NPM1: variants seen among roughly 807,000 people sequenced by gnomAD.
NPM1 encodes nucleophosmin.
Under a neutral mutation model 44.1 loss-of-function variants are expected in NPM1, and 1 was observed. That is an observed-to-expected ratio of 0.02 (90% CI 0.01 to 0.11). NPM1 has a LOEUF of 0.11. Ranked by LOEUF, NPM1 falls within the 10% of genes least tolerant of loss-of-function variation. The probability of loss-of-function intolerance (pLI) is 1.00; values close to 1 mark genes in which losing one functional copy is unlikely to be tolerated. For synonymous variants in NPM1, 126 were observed against 111.8 expected (o/e 1.13, Z -0.80); for missense variants, 197 against 347.8 (o/e 0.57, Z 3.45).
At chr5:171,392,844 T>C in intron 5 of NPM1, 28 bp downstream of exon 5, 1 of 1,613,284 alleles carries the variant, frequency 6.2e-7, no homozygotes, top group Non-Finnish European at 8.5e-7. Context: ...ATTATAGGTT[T>C]TGTATTATAG....
At chr5:171,404,163 A>C in intron 8 of NPM1, among the ~76,000 whole-genome samples, 1 of 71,216 alleles carries the variant, frequency 1.4e-5, no homozygotes, top group South Asian at 7.6e-4. Context: ...CCCGGATGGC[A>C]CGGCTGGCCG....
intron 4 of NPM1, among the ~76,000 whole-genome samples, 167 bp downstream of exon 4, chr5:171,391,966 G>GT (rs2113173813): frequency 6.9e-6 from 1 of 145,682 alleles, no homozygotes; most frequent in Admixed American, 6.9e-5. Flanking sequence ...GCGGGGGGGA[G>GT]AGGAAATCTT....
chr5:171,400,131 T>C, intron 6 of NPM1, 22 bp from the exon 7 acceptor site: 1 of 1,408,052 alleles, frequency 7.1e-7, no homozygotes. Flanking sequence ...AAGTGCTTAA[T>C]GTCTTGACAT....
intron 6 of NPM1, among the ~76,000 whole-genome samples, chr5:171,395,042 C>T (rs1171469534): frequency 1.3e-5 from 2 of 151,968 alleles, no homozygotes; most frequent in African/African-American, 2.4e-5. Context: ...AGCTGGGTAT[C>T]GTGGTGCCTG....
At position 171,392,760 on chromosome 5, in the gene NPM1, C is replaced by A; in HGVS notation, c.403C>A (p.Leu135Ile). ...SEDEEEEDVKLLSISGKRSAP... is the reference protein window; with the variant it reads ...SEDEEEEDVKILSISGKRSAP... ...AGATGAAGAGGAGGAGGATGTGAAA[C>A]TCTTAAGTATATCTGGAAAGCGGTC... The change falls in exon 5 of 11, where the codon CTC becomes ATC. Residue 135 changes from leucine to isoleucine, a missense_variant. Physicochemically the swap from Leu to Ile is conservative, Grantham distance 5. Around this residue, in one of 5 missense-constraint regions of NPM1, gnomAD observed 91 missense variants for 94.0 expected, o/e 0.97. Coordinates refer to ENST00000296930, the MANE Select transcript of NPM1 (RefSeq NM_002520.7). The A allele has an allele frequency of 6.2e-7, 1 of 1,613,618 alleles. No homozygotes were observed. Among genetic ancestry groups the A allele is most frequent in the Non-Finnish European group, 8.5e-7 (1 of 1,179,812 alleles).
At chr5:171,401,625 A>C (rs1013378933) in intron 8 of NPM1, among the ~76,000 whole-genome samples, 1 of 152,022 alleles carries the variant, frequency 6.6e-6, no homozygotes, top group African/African-American at 2.4e-5. Context: ...TTGAGTAGAG[A>C]TGGGGTTTCA....
chr5:171,400,762 C>A, intron 7 of NPM1, 77 bp from the exon 8 acceptor site: 1 of 963,526 alleles, frequency 1.0e-6, no homozygotes, highest in Non-Finnish European at 1.7e-6. Flanking sequence ...TGCTGCTTGT[C>A]TTACATGGCT....
chr5:171,387,547 G>T (rs967948163), upstream of NPM1: 2 of 222,366 alleles, frequency 9.0e-6, no homozygotes, highest in Non-Finnish European at 1.8e-5. Flanking sequence ...GCGCTTGAGC[G>T]GGAGAGGACG....
intron 6 of NPM1, among the ~76,000 whole-genome samples, chr5:171,397,514 G>C (rs766849464): frequency 1.3e-5 from 2 of 152,120 alleles, no homozygotes; most frequent in Admixed American, 6.6e-5. Flanking sequence ...GTTTGATTGC[G>C]TCTCCCTGTG....
At chr5:171,398,071 G>A (rs1220319385) in intron 6 of NPM1, among the ~76,000 whole-genome samples, 1 of 152,034 alleles carries the variant, frequency 6.6e-6, no homozygotes, top group African/African-American at 2.4e-5. Flanking sequence ...ACAGGCGTGA[G>A]CCACTGCACT....
chr5:171,387,843 T>A, upstream of NPM1: 2 of 1,064,152 alleles, frequency 1.9e-6, no homozygotes, highest in Non-Finnish European at 2.9e-6. Context: ...GCGGGGAGCC[T>A]GCGTCCTTTC....
chr5:171,394,298 A>G (rs375290903), intron 6 of NPM1, among the ~76,000 whole-genome samples: 37 of 152,156 alleles, frequency 2.4e-4, no homozygotes, highest in African/African-American at 8.4e-4. Context: ...TCGGTCTCCC[A>G]AAGTGCTGGG....
At chr5:171,397,722 C>T (rs1770983172) in intron 6 of NPM1, among the ~76,000 whole-genome samples, 3 of 151,756 alleles carry the variant, frequency 2.0e-5, no homozygotes, top group African/African-American at 7.3e-5. Flanking sequence ...TTCTTAAACT[C>T]CTGTCTTCAG....
intron 8 of NPM1, among the ~76,000 whole-genome samples, chr5:171,401,530 G>A (rs571550292): frequency 1.8e-4 from 27 of 152,158 alleles, no homozygotes; most frequent in African/African-American, 5.8e-4. Context: ...TTCACTTCCC[G>A]GGTTCAAGCG....
chr5:171,391,422 A>G lies in NPM1; in HGVS notation c.256A>G (p.Thr86Ala). 1 of 1,606,778 alleles carries G rather than the reference A, an allele frequency of 6.2e-7. No individual in the cohort carries two copies. Among genetic ancestry groups the G allele is most frequent in the Non-Finnish European group, 8.5e-7 (1 of 1,179,936 alleles). The change falls in exon 3 of 11, where the codon ACG (threonine) becomes GCG (alanine). Residue 86 changes from threonine (T) to alanine (A), a missense_variant and splice_region_variant. Thr to Ala is a moderately conservative substitution (Grantham distance 58). Coordinates refer to ENST00000296930, the MANE Select transcript of NPM1 (RefSeq NM_002520.7). ...LATLKMSVQP[T>A]VSLGGFEITP... The stretch of plus-strand genomic sequence containing the variant: ...AACTTTGAAAATGTCTGTACAGCCA[A>G]CGGTAAGGGCACTTACATACTTTGG...
At position 171,407,790 on chromosome 5, in the gene NPM1, G is replaced by C; in HGVS notation, c.846+16G>C. The C allele has an allele frequency of 2.6e-6, 4 of 1,531,914 alleles. No homozygotes were observed. Among genetic ancestry groups the C allele is most frequent in the Non-Finnish European group, 3.6e-6 (4 of 1,107,414 alleles). 94.9% of individuals were successfully genotyped at this position (1,531,914 alleles called of 1,614,324 possible). ...TGACCAAGAGGTAACTGGATTTTCTGGGGACATGATTAAATCCAAGTTTTT... is the reference window on the plus strand; with the variant it reads ...TGACCAAGAGGTAACTGGATTTTCTCGGGACATGATTAAATCCAAGTTTTT... On this transcript the variant is annotated intron_variant, in intron 10 of 10. Coordinates refer to ENST00000296930, the MANE Select transcript of NPM1 (RefSeq NM_002520.7).
rs1248093886 is a variant in NPM1, at chr5:171,387,897, T to C, written c.-52T>C. ...TGCGCGGTTGTTCTCTGGAGCAGCG[T>C]TCTTTTATCTCCGTCCGCCTTCTCT... On this transcript the variant is annotated 5_prime_UTR_variant, in exon 1 of 11. Transcript: ENST00000296930. 4.5e-6 allele frequency: 7 copies of C among 1,566,768 alleles called. No homozygotes were observed. The highest frequency in any genetic ancestry group is 4.1e-5 in the African/African-American group (3 of 73,898).
In NPM1 at chr5:171,402,290, G is replaced by A. The variant is rs113967067; in HGVS notation, c.669+1365G>A. Among the ~76,000 whole-genome samples, 144 of 150,690 alleles carry A rather than the reference G, an allele frequency of 9.6e-4. 3 individuals are homozygous for A. In the South Asian group the frequency reaches 0.024, roughly 25 times the overall value. On this transcript the variant is annotated intron_variant, in intron 8 of 10. Coordinates refer to ENST00000296930, the MANE Select transcript of NPM1 (RefSeq NM_002520.7). ...ATCACTGATTAGAGAAATGCAAATC[G>A]AAACCACAATGAGATACCATCTCAC...
intron 2 of NPM1, 37 bp downstream of exon 2, chr5:171,390,167 T>C (rs1412605220): frequency 2.5e-6 from 3 of 1,201,780 alleles, no homozygotes; most frequent in Non-Finnish European, 2.4e-6. Flanking sequence ...TTAACCCTAC[T>C]TGATTTCAGC....
Sources: gnomAD v4.1 joint callset for allele counts (sites outside exome capture counted in the v4.1 genomes callset) on GRCh38, gnomAD v4.1.1 for gene constraint, gnomAD v4.1.1 regional missense constraint, MANE v1.5 for transcripts, NCBI Gene and HGNC (gene_info 2026-07-23, HGNC 2026-07-21) for gene names.